The following KCND2 variants were observed in gnomAD, a reference collection of about 807,000 sequenced individuals.
KCND2 encodes the protein potassium voltage-gated channel subfamily D member 2, also known as A-type voltage-gated potassium channel KCND2.
A neutral mutation model predicts 54.4 loss-of-function variants in KCND2; 16 were observed. The observed-to-expected ratio is 0.29, with a 90% CI of 0.20 to 0.45. The LOEUF is 0.45. Ranked by LOEUF, KCND2 falls within the 20% of genes least tolerant of loss-of-function variation. The probability of loss-of-function intolerance (pLI) is 1.00; values close to 1 mark genes in which losing one functional copy is unlikely to be tolerated. For synonymous variants in KCND2, 317 were observed against 310.7 expected, an observed-to-expected ratio of 1.02 and a Z score of -0.21; for missense variants, 486 against 824.2, an observed-to-expected ratio of 0.59 and a Z score of 5.02.
chr7:120,662,555 T>C (rs1012607869), intron 1 of KCND2, among the ~76,000 whole-genome samples: 5 of 152,200 alleles, frequency 3.3e-5, no homozygotes, highest in African/African-American at 9.7e-5. Flanking sequence ...GAACATAAAA[T>C]GTGTGTGCTA....
At chr7:120,468,009 A>C (rs1802403883) in intron 1 of KCND2, among the ~76,000 whole-genome samples, 1 of 152,168 alleles carries the variant, frequency 6.6e-6, no homozygotes, top group Admixed American at 6.6e-5. Flanking sequence ...TTGATAAATG[A>C]CAATTATATG....
chr7:120,547,511 G>A (rs1238491831), intron 1 of KCND2, among the ~76,000 whole-genome samples: 1 of 151,780 alleles, frequency 6.6e-6, no homozygotes, highest in Admixed American at 6.6e-5. Context: ...TGTTTGTTGT[G>A]GTCCTAATAG....
chr7:120,564,747 A>G (rs1792275948), intron 1 of KCND2, among the ~76,000 whole-genome samples: 1 of 152,204 alleles, frequency 6.6e-6, no homozygotes, highest in African/African-American at 2.4e-5. Context: ...CCTAATAATT[A>G]TATAGAGTTT....
intron 1 of KCND2, among the ~76,000 whole-genome samples, chr7:120,684,095 T>G (rs1792172388): frequency 1.3e-5 from 2 of 152,140 alleles, no homozygotes; most frequent in Admixed American, 6.6e-5. Context: ...TACTTCATCA[T>G]CACCTGAAAG....
chr7:120,289,037 A>AACACATAC (rs1389999729), intron 1 of KCND2, among the ~76,000 whole-genome samples: 5 of 62,156 alleles, frequency 8.0e-5, no homozygotes, highest in African/African-American at 1.7e-4. Flanking sequence ...CAGAGACACA[A>AACACATAC]ACACACACAC....
At chr7:120,526,629 A>T (rs1791777248) in intron 1 of KCND2, among the ~76,000 whole-genome samples, 1 of 152,166 alleles carries the variant, frequency 6.6e-6, no homozygotes, top group South Asian at 2.1e-4. Flanking sequence ...GCCAATAAAC[A>T]ATAAAAACAA....
At chr7:120,654,557 TA>T (rs2116550169) in intron 1 of KCND2, among the ~76,000 whole-genome samples, 1 of 152,300 alleles carries the variant, frequency 6.6e-6, no homozygotes, top group Admixed American at 6.5e-5. Context: ...AGTAAAAGGT[TA>T]AAAACCACAT....
intron 1 of KCND2, among the ~76,000 whole-genome samples, chr7:120,393,220 G>A (rs867698055): frequency 6.6e-6 from 1 of 151,902 alleles, no homozygotes. Flanking sequence ...TAGTCTACAT[G>A]TATTTTTAAA....
chr7:120,385,113 C>T (rs1005646336), intron 1 of KCND2, among the ~76,000 whole-genome samples: 1 of 142,180 alleles, frequency 7.0e-6, no homozygotes, highest in Non-Finnish European at 1.5e-5. Context: ...CGCAAGCAAT[C>T]ATCCCACCTC....
chr7:120,716,905 G>A (rs1042750735), intron 1 of KCND2, among the ~76,000 whole-genome samples: 4 of 151,960 alleles, frequency 2.6e-5, no homozygotes, highest in Non-Finnish European at 4.4e-5. Context: ...TCAAACCAAG[G>A]ATGGTACTGA....
intron 1 of KCND2, among the ~76,000 whole-genome samples, chr7:120,507,445 C>T (rs947927664): frequency 6.6e-6 from 1 of 151,968 alleles, no homozygotes; most frequent in South Asian, 2.1e-4. Flanking sequence ...TTTCAGCCTT[C>T]CTTGCAGTTA....
At chr7:120,565,392 A>G (rs1792284228) in intron 1 of KCND2, among the ~76,000 whole-genome samples, 1 of 152,222 alleles carries the variant, frequency 6.6e-6, no homozygotes, top group African/African-American at 2.4e-5. Flanking sequence ...TGAAACTGTT[A>G]GGGAAAATAA....
chr7:120,301,391 A>G lies in KCND2; in HGVS notation c.1115+25644A>G, dbSNP rs897817719. ...TCCCCTCAGTAAACAAATGAAGTAG[A>G]ATTTGTTATCAGGTAAATGTCGAAT... On this transcript the variant is annotated intron_variant, in intron 1 of 5. Coordinates refer to ENST00000331113, the MANE Select transcript of KCND2 (RefSeq NM_012281.3). 3.1e-4 allele frequency among the ~76,000 whole-genome samples: 47 copies of G among 152,272 alleles called. 1 individual carries two copies. Among genetic ancestry groups the G allele is most frequent in the African/African-American group, 1.1e-3 (46 of 41,570 alleles).
At chr7:120,587,718 G>A (rs1022486157) in intron 1 of KCND2, among the ~76,000 whole-genome samples, 1 of 152,094 alleles carries the variant, frequency 6.6e-6, no homozygotes, top group African/African-American at 2.4e-5. Context: ...TCTTCACAAT[G>A]AGCCATTTTC....
intron 1 of KCND2, among the ~76,000 whole-genome samples, chr7:120,659,996 C>A (rs1040763576): frequency 1.3e-5 from 2 of 152,120 alleles, no homozygotes; most frequent in African/African-American, 4.8e-5. Context: ...TAAGAATACT[C>A]ATCACCTCTG....
At chr7:120,367,118 C>A (rs1007844639) in intron 1 of KCND2, among the ~76,000 whole-genome samples, 1 of 152,132 alleles carries the variant, frequency 6.6e-6, no homozygotes, top group South Asian at 2.1e-4. Flanking sequence ...ATTATCCTTC[C>A]CAGATTTACA....
intron 1 of KCND2, among the ~76,000 whole-genome samples, chr7:120,311,112 T>G (rs1416485966): frequency 1.3e-5 from 2 of 152,110 alleles, no homozygotes; most frequent in African/African-American, 4.8e-5. Context: ...GATTGTGTTC[T>G]CATTTTCATG....
intron 1 of KCND2, among the ~76,000 whole-genome samples, chr7:120,674,292 C>G (rs887869253): frequency 2.0e-5 from 3 of 152,100 alleles, no homozygotes; most frequent in Admixed American, 2.0e-4. Flanking sequence ...CACAGGCTAG[C>G]CTGATCTAGG....
chr7:120,633,180 C>CT (rs1793260986), intron 1 of KCND2, among the ~76,000 whole-genome samples: 1 of 152,088 alleles, frequency 6.6e-6, no homozygotes, highest in African/African-American at 2.4e-5. Context: ...TTTTTTGAGA[C>CT]TAAGTCAATT....
Sources: gnomAD v4.1 joint callset for allele counts (sites outside exome capture counted in the v4.1 genomes callset) on GRCh38, gnomAD v4.1.1 for gene constraint, MANE v1.5 for transcripts, NCBI Gene and HGNC (gene_info 2026-07-23, HGNC 2026-07-21) for gene names.